The following ATXN1 variants were observed in gnomAD, a reference collection of about 807,000 sequenced individuals.
ATXN1 encodes the protein ataxin 1, also known as ataxin-1.
Under a neutral mutation model 56.4 loss-of-function variants are expected in ATXN1, and 8 were observed. The ratio of observed to expected loss-of-function variants is 0.14; its 90% CI spans 0.08 to 0.26. ATXN1 has a LOEUF of 0.26. Among genes scored for constraint, ATXN1 ranks in the 10% least tolerant of loss-of-function variants. The pLI is 1.00. For synonymous variants in ATXN1, 514 were observed against 494.6 expected, an observed-to-expected ratio of 1.04 and a Z score of -0.52; for missense variants, 987 against 1,106.5, an observed-to-expected ratio of 0.89 and a Z score of 1.53.
At chr6:16,708,971 A>G (rs1759468320) in intron 2 of ATXN1, among the ~76,000 whole-genome samples, 1 of 151,808 alleles carries the variant, frequency 6.6e-6, no homozygotes, top group African/African-American at 2.4e-5. Flanking sequence ...GTTTGCAGTG[A>G]GCCAAGATTG....
In ATXN1 at chr6:16,532,264, A is replaced by T. The variant is rs562280765; in HGVS notation, c.-360-9576T>A. 2.2e-4 allele frequency among the ~76,000 whole-genome samples: 34 copies of T among 152,344 alleles called. No homozygotes were observed. The Middle Eastern group carries it at 0.01, about 46-fold the overall frequency. On this transcript the variant is annotated intron_variant, in intron 4 of 7. Coordinates refer to ENST00000436367, the MANE Select transcript of ATXN1 (RefSeq NM_001128164.2). ...TTTTCTTAGTGAAAAGTTAGATGAC[A>T]ATGTCACACAGTAGCCAAAAGCAGT...
intron 6 of ATXN1, among the ~76,000 whole-genome samples, chr6:16,447,378 C>T (rs375954678): frequency 1.3e-5 from 2 of 152,126 alleles, no homozygotes; most frequent in Non-Finnish European, 2.9e-5. Flanking sequence ...GTGCCCACCA[C>T]CCACCCAGCT....
chr6:16,449,401 A>G (rs1454525653), intron 6 of ATXN1, among the ~76,000 whole-genome samples: 2 of 152,204 alleles, frequency 1.3e-5, no homozygotes, highest in South Asian at 2.1e-4. Flanking sequence ...GATTAAATCT[A>G]AAGTTCAAGA....
intron 2 of ATXN1, among the ~76,000 whole-genome samples, chr6:16,721,963 G>T (rs1408875173): frequency 6.6e-6 from 1 of 152,182 alleles, no homozygotes; most frequent in Admixed American, 6.5e-5. Flanking sequence ...GCCTTGGGAC[G>T]TTCTGGAAAA....
At chr6:16,399,177 T>C (rs1581736532) in intron 6 of ATXN1, among the ~76,000 whole-genome samples, 1 of 152,324 alleles carries the variant, frequency 6.6e-6, no homozygotes, top group East Asian at 1.9e-4. Flanking sequence ...TTGGAGGCCG[T>C]GTAACAAAAG....
chr6:16,700,311 G>C (rs1759254881), intron 2 of ATXN1, among the ~76,000 whole-genome samples: 1 of 152,068 alleles, frequency 6.6e-6, no homozygotes, highest in African/African-American at 2.4e-5. Context: ...TCTGCATCTG[G>C]GGTGCAGAAA....
chr6:16,575,935 C>T (rs904225856), intron 4 of ATXN1, among the ~76,000 whole-genome samples: 3 of 152,120 alleles, frequency 2.0e-5, no homozygotes, highest in Non-Finnish European at 2.9e-5. Flanking sequence ...TAGAGACACA[C>T]GCCATCACAC....
intron 4 of ATXN1, among the ~76,000 whole-genome samples, chr6:16,545,378 G>T (rs769980674): frequency 7.3e-5 from 11 of 151,034 alleles, no homozygotes; most frequent in Admixed American, 1.3e-4. Flanking sequence ...AACATTTTGA[G>T]GAAGGATTTC....
chr6:16,686,121 C>T (rs1758912648), intron 2 of ATXN1, among the ~76,000 whole-genome samples: 1 of 152,112 alleles, frequency 6.6e-6, no homozygotes, highest in African/African-American at 2.4e-5. Context: ...ATTGTCTTTT[C>T]GCTTCCTGAT....
intron 2 of ATXN1, among the ~76,000 whole-genome samples, chr6:16,698,269 T>C (rs959646788): frequency 6.6e-6 from 1 of 152,198 alleles, no homozygotes; most frequent in African/African-American, 2.4e-5. Flanking sequence ...TTCACTGAAA[T>C]ATGATTGTAT....
intron 4 of ATXN1, among the ~76,000 whole-genome samples, chr6:16,576,052 A>G (rs970530344): frequency 1.3e-5 from 2 of 152,090 alleles, no homozygotes; most frequent in South Asian, 4.1e-4. Flanking sequence ...CAGACTCTTT[A>G]TATAGTGACT....
intron 4 of ATXN1, among the ~76,000 whole-genome samples, chr6:16,535,042 T>A (rs941249238): frequency 7.2e-5 from 11 of 152,302 alleles, no homozygotes; most frequent in African/African-American, 2.6e-4. Context: ...ATCTGTTGAG[T>A]TGACTGGCTG....
intron 6 of ATXN1, among the ~76,000 whole-genome samples, chr6:16,472,113 G>T (rs1760231528): frequency 6.6e-6 from 1 of 152,154 alleles, no homozygotes; most frequent in South Asian, 2.1e-4. Flanking sequence ...AGTAAGAAAA[G>T]AACCTGACAA....
At chr6:16,416,375 A>C (rs557879521) in intron 6 of ATXN1, among the ~76,000 whole-genome samples, 1 of 152,358 alleles carries the variant, frequency 6.6e-6, no homozygotes, top group Non-Finnish European at 1.5e-5. Context: ...ACTGCATCAC[A>C]CATCTACTTT....
At chr6:16,691,328 GA>G (rs1759042826) in intron 2 of ATXN1, among the ~76,000 whole-genome samples, 1 of 152,188 alleles carries the variant, frequency 6.6e-6, no homozygotes, top group South Asian at 2.1e-4. Flanking sequence ...AAAATTTACT[GA>G]AAGGCTGAAT....
At chr6:16,459,520 A>G (rs1239495927) in intron 6 of ATXN1, among the ~76,000 whole-genome samples, 1 of 152,194 alleles carries the variant, frequency 6.6e-6, no homozygotes, top group African/African-American at 2.4e-5. Context: ...TCAGTGAGGA[A>G]GTAATTCCTC....
intron 5 of ATXN1, among the ~76,000 whole-genome samples, chr6:16,496,215 T>C (rs1760779226): frequency 6.6e-6 from 1 of 152,192 alleles, no homozygotes; most frequent in African/African-American, 2.4e-5. Flanking sequence ...AAACTTCTCT[T>C]TTTTTGGAGG....
chr6:16,476,273 G>A (rs1299575637), intron 6 of ATXN1, among the ~76,000 whole-genome samples: 1 of 152,112 alleles, frequency 6.6e-6, no homozygotes, highest in African/African-American at 2.4e-5. Flanking sequence ...TATCTAGCTA[G>A]GTTGTGAAAA....
chr6:16,564,623 A>T (rs189944860), intron 4 of ATXN1, among the ~76,000 whole-genome samples: 2 of 152,372 alleles, frequency 1.3e-5, no homozygotes, highest in East Asian at 3.9e-4. Flanking sequence ...CGCATATTGC[A>T]TGATTCTATT....
Sources: allele counts gnomAD v4.1 joint callset (sites outside exome capture counted in the v4.1 genomes callset), GRCh38; gene constraint gnomAD v4.1.1; transcripts MANE v1.5; gene names NCBI Gene and HGNC (gene_info 2026-07-23, HGNC 2026-07-21).